Variants in C1D observed in about 807,000 individuals in gnomAD.
The protein encoded by C1D is nuclear nucleic acid-binding protein C1D.
Under a neutral mutation model 17.5 loss-of-function variants are expected in C1D, and 10 were observed. The observed-to-expected ratio is 0.57, with a 90% CI of 0.35 to 0.97. The LOEUF (loss-of-function observed/expected upper bound fraction) is 0.97. Among genes scored for constraint, C1D ranks in the 50% least tolerant of loss-of-function variants. The pLI, the probability that C1D is intolerant of heterozygous loss-of-function variation, is 0.01. For synonymous variants in C1D, 49 were observed against 54.0 expected (o/e 0.91, Z 0.40); for missense variants, 136 against 160.1 (o/e 0.85, Z 0.81).
At chr2:68,057,327 T>TC (rs1671469232) in intron 1 of C1D, among the ~76,000 whole-genome samples, 1 of 150,950 alleles carries the variant, frequency 6.6e-6, no homozygotes, top group Non-Finnish European at 1.5e-5. Flanking sequence ...TTTTTTTTTT[T>TC]CGTATTTTTA....
intron 1 of C1D, among the ~76,000 whole-genome samples, chr2:68,061,742 G>A (rs755625704): frequency 2.6e-5 from 4 of 152,196 alleles, no homozygotes; most frequent in Non-Finnish European, 2.9e-5. Context: ...TTAGAGCCAT[G>A]CTTGAAGGGT....
chr2:68,058,241 AT>A (rs1671496572), intron 1 of C1D, among the ~76,000 whole-genome samples: 1 of 152,254 alleles, frequency 6.6e-6, no homozygotes, highest in Admixed American at 6.5e-5. Context: ...GGCAGCCCTG[AT>A]ACTTGGAAGA....
intron 1 of C1D, among the ~76,000 whole-genome samples, chr2:68,053,621 A>T (rs1394065719): frequency 6.6e-6 from 1 of 152,204 alleles, no homozygotes; most frequent in Non-Finnish European, 1.5e-5. Context: ...TCTGTTTAAA[A>T]TTCTGCAACA....
intron 1 of C1D, among the ~76,000 whole-genome samples, chr2:68,050,453 T>C (rs1459301515): frequency 1.3e-5 from 2 of 152,168 alleles, no homozygotes; most frequent in African/African-American, 4.8e-5. Context: ...AAACATACCT[T>C]ACTTTTCTCT....
chr2:68,060,314 T>C (rs1213453706), intron 1 of C1D, among the ~76,000 whole-genome samples: 4 of 152,174 alleles, frequency 2.6e-5, no homozygotes, highest in African/African-American at 9.6e-5. Context: ...CAGCAAACTA[T>C]TCTTAAACAC....
chr2:68,046,681 T>C (rs1449516733), intron 2 of C1D: 2 of 361,192 alleles, frequency 5.5e-6, no homozygotes, highest in Non-Finnish European at 5.0e-6. Context: ...AAAATTCTTT[T>C]GAATTATTTT....
chr2:68,054,706 A>C (rs1466978975), intron 1 of C1D, among the ~76,000 whole-genome samples: 1 of 152,158 alleles, frequency 6.6e-6, no homozygotes, highest in Non-Finnish European at 1.5e-5. Flanking sequence ...TCACATCTGT[A>C]ATTCCAACAC....
At position 68,042,397 on chromosome 2, in the gene C1D, TA is replaced by T. The variant is rs1572876342; in HGVS notation, c.*491del. 2.6e-5 allele frequency: 4 copies of T among 152,796 alleles called. No individual in the cohort carries two copies. The highest frequency in any genetic ancestry group is 1.3e-4 in the Admixed American group (2 of 15,306). 9.5% of individuals were successfully genotyped at this position (152,796 alleles called of 1,614,324 possible). A position where few individuals can be genotyped will look rare whatever the true frequency, so the allele number is the denominator to read the frequency against. ...CACACTTTGAATATCAACAAAGCAGTAATTCCTAAAATCATGAAAACATGAT... is the reference window on the plus strand; with the variant it reads ...CACACTTTGAATATCAACAAAGCAGTATTCCTAAAATCATGAAAACATGAT... On this transcript the variant is annotated 3_prime_UTR_variant, in exon 5 of 5. Coordinates refer to ENST00000410067, the MANE Select transcript of C1D (RefSeq NM_173177.3).
rs1308845139 is a variant in C1D, at chr2:68,046,202, T to C, written c.205+142A>G. 3.6e-5 allele frequency: 29 copies of C among 798,086 alleles called. No individual in the cohort carries two copies. The East Asian group carries it at 7.9e-4, about 22-fold the overall frequency. 49.4% of individuals were successfully genotyped at this position (798,086 alleles called of 1,614,324 possible). On this transcript the variant is annotated intron_variant, in intron 3 of 4. Transcript: ENST00000410067. Reference sequence around the variant, plus strand: ...AATACTAAATCTATGTGTGGCTCACTGGCATCTAGATTTAAAAATAAGTAT... The same window carrying C: ...AATACTAAATCTATGTGTGGCTCACCGGCATCTAGATTTAAAAATAAGTAT...
In C1D at chr2:68,042,034, TC is replaced by T. The variant is rs1670969683; in HGVS notation, c.*854del. 1 of 151,360 alleles carries T rather than the reference TC, an allele frequency of 6.6e-6. No homozygotes were observed. The highest frequency in any genetic ancestry group is 2.4e-5 in the African/African-American group (1 of 41,170). 9.4% of individuals were successfully genotyped at this position (151,360 alleles called of 1,614,324 possible). The stretch of plus-strand genomic sequence containing the variant: ...ACACTTGTATGTACTTGATACAGCC[TC>T]AAAAACATGAAATAAAAAAAATCTG... On this transcript the variant is annotated 3_prime_UTR_variant, in exon 5 of 5. Transcript: ENST00000410067.
At chr2:68,055,723 T>C (rs1671420120) in intron 1 of C1D, among the ~76,000 whole-genome samples, 1 of 152,192 alleles carries the variant, frequency 6.6e-6, no homozygotes, top group Non-Finnish European at 1.5e-5. Context: ...CTTTTGAGGA[T>C]GCACACTGAA....
intron 4 of C1D, among the ~76,000 whole-genome samples, chr2:68,043,690 CA>C (rs1165124571): frequency 6.6e-6 from 1 of 152,160 alleles, no homozygotes; most frequent in African/African-American, 2.4e-5. Flanking sequence ...GACAATTAAT[CA>C]GCATAAATGG....
intron 1 of C1D, among the ~76,000 whole-genome samples, chr2:68,052,875 G>A (rs1372497122): frequency 6.6e-6 from 1 of 152,110 alleles, no homozygotes; most frequent in Non-Finnish European, 1.5e-5. Context: ...CCAGGATCAA[G>A]CAGTGACTCT....
chr2:68,055,554 C>T (rs547380579), intron 1 of C1D, among the ~76,000 whole-genome samples: 1 of 151,810 alleles, frequency 6.6e-6, no homozygotes, highest in East Asian at 1.9e-4. Context: ...AATACACAGA[C>T]CTTGTTTGGA....
At chr2:68,057,392 G>C (rs1379200326) in intron 1 of C1D, among the ~76,000 whole-genome samples, 2 of 151,638 alleles carry the variant, frequency 1.3e-5, no homozygotes, top group African/African-American at 4.9e-5. Flanking sequence ...CCTGATCTCA[G>C]GTGATCTGCC....
In C1D at chr2:68,054,417, G is replaced by A. The variant is rs79830482; in HGVS notation, c.-9-7098C>T. On this transcript the variant is annotated intron_variant, in intron 1 of 4. Transcript: ENST00000410067. ...GCTATGAAGGGAGGAACTCATGCTG[G>A]AACTCTTGGCTACTAGCTGAAACTG... Among the ~76,000 whole-genome samples, 1,035 of 152,224 alleles carry A rather than the reference G, an allele frequency of 6.8e-3. 8 individuals carry two copies. The highest frequency in any genetic ancestry group is 0.023 in the African/African-American group (968 of 41,522).
At chr2:68,053,001 A>ATT (rs752505668) in intron 1 of C1D, 37 of 1,536,730 alleles carry the variant, frequency 2.4e-5, no homozygotes, top group Non-Finnish European at 3.1e-5. Context: ...AGCCAAAAGA[A>ATT]GTTAAAGAAC....
At chr2:68,046,265 T>C in intron 3 of C1D, 79 bp downstream of exon 3, 2 of 1,122,938 alleles carry the variant, frequency 1.8e-6, no homozygotes, top group Non-Finnish European at 2.7e-6. Context: ...GTAAATAAAT[T>C]GTTAGCATTT....
chr2:68,053,060 C>A (rs185759972), intron 1 of C1D: 21 of 1,550,332 alleles, frequency 1.4e-5, no homozygotes, highest in Non-Finnish European at 1.7e-5. Context: ...AAAGAACTCA[C>A]CCAGCTCTGC....
Sources: gnomAD v4.1 joint callset for allele counts (sites outside exome capture counted in the v4.1 genomes callset) on GRCh38, gnomAD v4.1.1 for gene constraint, MANE v1.5 for transcripts, NCBI Gene and HGNC (gene_info 2026-07-23, HGNC 2026-07-21) for gene names.